Variants in PPFIA2 observed in about 807,000 individuals in gnomAD.
PPFIA2 encodes the protein liprin-alpha-2.
Under a neutral mutation model 175.5 loss-of-function variants are expected in PPFIA2, and 46 were observed. The observed-to-expected ratio is 0.26, with a 90% confidence interval of 0.21 to 0.34. The LOEUF (loss-of-function observed/expected upper bound fraction) is 0.34. Ranked by LOEUF, PPFIA2 falls within the 10% of genes least tolerant of loss-of-function variation. PPFIA2 has a pLI of 1.00. For missense variants in PPFIA2, 1,179 were observed against 1,506.1 expected, an observed-to-expected ratio of 0.78 and a Z score of 3.60; for synonymous variants, 568 against 511.4, an observed-to-expected ratio of 1.11 and a Z score of -1.49.
intron 4 of PPFIA2, among the ~76,000 whole-genome samples, chr12:81,580,761 A>G (rs2074281948): frequency 6.6e-6 from 1 of 151,798 alleles, no homozygotes. Context: ...TATCGCCAAC[A>G]TAAAGCTTGG....
chr12:81,505,561 A>G (rs2061067987), intron 4 of PPFIA2: 3 of 152,126 alleles, frequency 2.0e-5, no homozygotes, highest in African/African-American at 7.2e-5. Flanking sequence ...AATGTCTAGC[A>G]ATTGATTGTT....
intron 3 of PPFIA2, among the ~76,000 whole-genome samples, chr12:81,734,517 T>A (rs2081325717): frequency 6.6e-6 from 1 of 151,760 alleles, no homozygotes; most frequent in Admixed American, 6.6e-5. Context: ...TTTACAAATG[T>A]AATTCTATGA....
At chr12:81,504,613 A>T (rs2060945629) in intron 4 of PPFIA2, among the ~76,000 whole-genome samples, 1 of 152,182 alleles carries the variant, frequency 6.6e-6, no homozygotes. Flanking sequence ...AGAAATAAAA[A>T]TACCATTTGA....
chr12:81,627,628 A>AT (rs937947864), intron 4 of PPFIA2, among the ~76,000 whole-genome samples: 3 of 152,064 alleles, frequency 2.0e-5, no homozygotes, highest in Admixed American at 2.0e-4. Context: ...GTCTCAGTTG[A>AT]TTTTCCAGTT....
chr12:81,362,547 C>G (rs925225643), intron 15 of PPFIA2, 146 bp downstream of exon 15: 5 of 442,046 alleles, frequency 1.1e-5, no homozygotes, highest in African/African-American at 2.0e-5. Flanking sequence ...AATGTAAAAA[C>G]TGCAAATCAG....
chr12:81,298,269 T>C (rs2046986324), intron 23 of PPFIA2: 2 of 152,182 alleles, frequency 1.3e-5, no homozygotes, highest in Non-Finnish European at 2.9e-5. Context: ...ATGGCTAATA[T>C]GCTAAATTTC....
intron 18 of PPFIA2, among the ~76,000 whole-genome samples, chr12:81,345,394 CTAAT>C (rs1386677923): frequency 4.6e-5 from 7 of 151,854 alleles, no homozygotes; most frequent in African/African-American, 4.8e-5. Context: ...TTTCAGTACT[CTAAT>C]TATAATGTAA....
chr12:81,598,943 T>C (rs531180638), intron 4 of PPFIA2, among the ~76,000 whole-genome samples: 1 of 152,138 alleles, frequency 6.6e-6, no homozygotes, highest in South Asian at 2.1e-4. Context: ...CCTTATTTCA[T>C]ATACATATAT....
chr12:81,661,408 G>A (rs2068842758), intron 4 of PPFIA2, among the ~76,000 whole-genome samples: 1 of 152,072 alleles, frequency 6.6e-6, no homozygotes, highest in South Asian at 2.1e-4. Context: ...CCTAGTCTCT[G>A]GTAAAACAGA....
chr12:81,312,351 C>T (rs1013208740), intron 22 of PPFIA2: 16 of 607,940 alleles, frequency 2.6e-5, no homozygotes, highest in African/African-American at 9.2e-5. Flanking sequence ...CTCACTGCGT[C>T]GAAAAGCATA....
intron 4 of PPFIA2, among the ~76,000 whole-genome samples, chr12:81,479,602 G>A (rs546956693): frequency 7.9e-5 from 12 of 152,152 alleles, no homozygotes; most frequent in East Asian, 3.9e-4. Context: ...CTTCAGGAGC[G>A]CTTGTAAGGC....
chr12:81,344,582 G>A (rs986926871), intron 19 of PPFIA2, 82 bp downstream of exon 19: 54 of 993,432 alleles, frequency 5.4e-5, no homozygotes, highest in Middle Eastern at 2.2e-4. Context: ...ATCAACATTC[G>A]ACTAGAGGGA....
chr12:81,690,435 TTTTTCGC>T (rs2075094411), intron 3 of PPFIA2, among the ~76,000 whole-genome samples: 3 of 152,048 alleles, frequency 2.0e-5, no homozygotes, highest in Non-Finnish European at 2.9e-5. Context: ...AATTTCAGGA[TTTTTCGC>T]ATCTTTACAC....
chr12:81,309,410 G>A (rs2050160020), intron 22 of PPFIA2, among the ~76,000 whole-genome samples: 1 of 151,990 alleles, frequency 6.6e-6, no homozygotes, highest in Non-Finnish European at 1.5e-5. Context: ...ATTCCAATCA[G>A]TTGCTTCAGA....
chr12:81,586,425 T>C (rs2075316812), intron 4 of PPFIA2, among the ~76,000 whole-genome samples: 1 of 151,958 alleles, frequency 6.6e-6, no homozygotes, highest in Non-Finnish European at 1.5e-5. Context: ...TTACATGTTG[T>C]ATGCAGCACT....
intron 7 of PPFIA2, among the ~76,000 whole-genome samples, chr12:81,436,595 A>C (rs1346308320): frequency 6.6e-6 from 1 of 152,108 alleles, no homozygotes; most frequent in Non-Finnish European, 1.5e-5. Context: ...TCTTATCATC[A>C]ATACATGATG....
At chr12:81,556,266 T>C (rs1262145509) in intron 4 of PPFIA2, among the ~76,000 whole-genome samples, 2 of 151,966 alleles carry the variant, frequency 1.3e-5, no homozygotes, top group Admixed American at 1.3e-4. Context: ...TGCACGGTGG[T>C]CATTTTACCA....
At chr12:81,466,268 T>C (rs1278496541) in intron 4 of PPFIA2, among the ~76,000 whole-genome samples, 1 of 152,172 alleles carries the variant, frequency 6.6e-6, no homozygotes, top group Non-Finnish European at 1.5e-5. Context: ...TTTTTGGTCT[T>C]TTTCCTAAAA....
chr12:81,328,431 C>T (rs910402288), intron 21 of PPFIA2, among the ~76,000 whole-genome samples: 69 of 152,152 alleles, frequency 4.5e-4, no homozygotes, highest in African/African-American at 1.5e-3. Context: ...TAGAAAAATA[C>T]ATGTAATTCA....
Sources: gnomAD v4.1 joint callset for allele counts (sites outside exome capture counted in the v4.1 genomes callset) on GRCh38, gnomAD v4.1.1 for gene constraint, MANE v1.5 for transcripts, NCBI Gene and HGNC (gene_info 2026-07-23, HGNC 2026-07-21) for gene names.